Variants in GET1 observed in about 807,000 individuals in gnomAD.
GET1 encodes congenital heart disease 5 protein.
A neutral mutation model predicts 22.6 loss-of-function variants in GET1; 20 were observed. The ratio of observed to expected loss-of-function variants is 0.89; its 90% CI spans 0.62 to 1.29. The LOEUF is 1.29. Among genes scored for constraint, GET1 ranks in the 50% most tolerant of loss-of-function variants. GET1 has a pLI of 0.00. For missense variants in GET1, 209 were observed against 219.9 expected (o/e 0.95, Z 0.31); for synonymous variants, 92 against 83.8 (o/e 1.10, Z -0.53).
At chr21:39,414,535 C>T (rs149028363) in intron 1 of GET1, among the ~76,000 whole-genome samples, 4 of 152,280 alleles carry the variant, frequency 2.6e-5, no homozygotes, top group East Asian at 1.9e-4. Flanking sequence ...AGAATTCCCA[C>T]GACAAGATTT....
At chr21:39,414,810 GT>G (rs2040854228) in intron 1 of GET1, among the ~76,000 whole-genome samples, 1 of 150,188 alleles carries the variant, frequency 6.7e-6, no homozygotes, top group Non-Finnish European at 1.5e-5. Flanking sequence ...GATTGTCTAT[GT>G]TTGGTTTCAT....
At chr21:39,419,676 A>G (rs974857664) in intron 1 of GET1, among the ~76,000 whole-genome samples, 17 of 152,214 alleles carry the variant, frequency 1.1e-4, no homozygotes, top group African/African-American at 4.1e-4. Context: ...ATCCTTGTGA[A>G]TGGGATTAGT....
intron 1 of GET1, 30 bp from the exon 2 acceptor site, chr21:39,390,668 G>A (rs2038241572): frequency 6.2e-7 from 1 of 1,612,120 alleles, no homozygotes. Flanking sequence ...CGTGTTGGAA[G>A]GTGCTGATCC....
rs932223084 is a variant in GET1 at position 39,392,339 on chromosome 21, C to A, written c.336+503C>A. ...GGAGCTGTTGGGCTCTGCTCTGCCC[C>A]GAGAGTGCAGTTGTGCTGCCCAGAC... On this transcript the variant is annotated intron_variant, in intron 3 of 4. Transcript: ENST00000649170. 4.5e-4 allele frequency among the ~76,000 whole-genome samples: 68 copies of A among 152,144 alleles called. 1 individual carries two copies. Among genetic ancestry groups the A allele is most frequent in the African/African-American group, 1.6e-3 (66 of 41,432 alleles).
At chr21:39,417,632 C>T (rs1303261859) in intron 1 of GET1, among the ~76,000 whole-genome samples, 4 of 152,180 alleles carry the variant, frequency 2.6e-5, no homozygotes. Flanking sequence ...AATGGACTCA[C>T]AGTTCCACAT....
chr21:39,390,449 G>A (rs527480930), intron 1 of GET1, among the ~76,000 whole-genome samples: 51 of 152,308 alleles, frequency 3.3e-4, no homozygotes, highest in African/African-American at 1.0e-3. Flanking sequence ...TAAGGACTTT[G>A]TCATGGTGGG....
downstream of GET1, among the ~76,000 whole-genome samples, chr21:39,402,149 G>T (rs2038855476): frequency 6.6e-6 from 1 of 152,114 alleles, no homozygotes. Context: ...TGTCACCCAG[G>T]CTGGAGTGCA....
In GET1 at chr21:39,419,030, C is replaced by A. The variant is rs114772476; in HGVS notation, c.*23+8093C>A. 9.5e-3 allele frequency among the ~76,000 whole-genome samples: 1,447 copies of A among 152,114 alleles called. 29 individuals are homozygous for A. The highest frequency in any genetic ancestry group is 0.033 in the African/African-American group (1,378 of 41,480). ...TGGAACTCCACAGAAAAAAGGAACT[C>A]TTTTTTCTTCTTTACAAAGGGAAAA... On this transcript the variant is annotated intron_variant, in intron 1 of 1. Transcript: ENST00000478273.
chr21:39,385,477 G>C (rs933169541), intron 1 of GET1, among the ~76,000 whole-genome samples: 2 of 152,172 alleles, frequency 1.3e-5, no homozygotes, highest in Non-Finnish European at 2.9e-5. Context: ...ATTTTCCTGG[G>C]ATCGCTCCCT....
intron 1 of GET1, among the ~76,000 whole-genome samples, chr21:39,389,972 T>C (rs994507984): frequency 2.6e-5 from 4 of 152,252 alleles, no homozygotes; most frequent in Non-Finnish European, 5.9e-5. Flanking sequence ...GACAAACATT[T>C]GTATTGGAGC....
At chr21:39,406,821 A>C (rs144762069), downstream of GET1, 82 of 473,984 alleles carry the variant, frequency 1.7e-4, no homozygotes, top group East Asian at 2.4e-3. Flanking sequence ...CTTCCCAAGC[A>C]GATGGGAATT....
downstream of GET1, among the ~76,000 whole-genome samples, chr21:39,407,427 G>A (rs2039265420): frequency 6.6e-6 from 1 of 152,114 alleles, no homozygotes; most frequent in South Asian, 2.1e-4. Context: ...AAGATTTTAG[G>A]TGAATATACT....
intron 4 of GET1, chr21:39,405,832 A>T: frequency 7.4e-7 from 1 of 1,348,600 alleles, no homozygotes; most frequent in Non-Finnish European, 1.0e-6. Context: ...GATGCAAGGC[A>T]CATAAGCAGC....
downstream of GET1, among the ~76,000 whole-genome samples, chr21:39,399,930 G>A (rs1390958775): frequency 7.2e-6 from 1 of 139,320 alleles, no homozygotes; most frequent in Non-Finnish European, 1.5e-5. Context: ...TTTTTTTTAA[G>A]TAGAGACAGG....
At chr21:39,428,411 G>T (rs2147925496) in exon 2 of GET1, 1 of 1,612,622 alleles carries the variant, frequency 6.2e-7, no homozygotes, top group Non-Finnish European at 8.5e-7. Flanking sequence ...TCTCTTGCAT[G>T]CTGCAGACCT....
chr21:39,391,742 A>C, intron 2 of GET1, 27 bp from the exon 3 acceptor site: 2 of 1,609,918 alleles, frequency 1.2e-6, no homozygotes, highest in Non-Finnish European at 8.5e-7. Flanking sequence ...GGACTGACAT[A>C]ATTATTTATC....
chr21:39,406,518 GTT>G, exon 5 of GET1: 1 of 1,613,104 alleles, frequency 6.2e-7, no homozygotes, highest in East Asian at 2.2e-5. Context: ...TCACAAAAAT[GTT>G]TTTCTTTTCT....
In GET1 at chr21:39,412,752, G is replaced by A. The variant is rs181543579; in HGVS notation, c.*23+1815G>A. On this transcript the variant is annotated intron_variant, in intron 1 of 1. Coordinates refer to the GET1 transcript ENST00000478273. Reference sequence around the variant, plus strand: ...AAGTCTCAGTGCAAGAGGCCTTGGCGTGGTCCAGGAAAATTGCAAGCCCCT... The same window carrying A: ...AAGTCTCAGTGCAAGAGGCCTTGGCATGGTCCAGGAAAATTGCAAGCCCCT... 2.6e-5 allele frequency among the ~76,000 whole-genome samples: 4 copies of A among 152,316 alleles called. No homozygotes were observed. In the East Asian group the frequency reaches 5.8e-4, roughly 22 times the overall value.
intron 1 of GET1, among the ~76,000 whole-genome samples, chr21:39,413,429 G>GA (rs1448401814): frequency 6.6e-6 from 1 of 152,180 alleles, no homozygotes; most frequent in African/African-American, 2.4e-5. Context: ...TAATTTGTGG[G>GA]ACTGGGGCTC....
Sources: allele counts gnomAD v4.1 joint callset (sites outside exome capture counted in the v4.1 genomes callset), GRCh38; gene constraint gnomAD v4.1.1; transcripts MANE v1.5; gene names NCBI Gene and HGNC (gene_info 2026-07-23, HGNC 2026-07-21).